ZNF655: variants seen among roughly 807,000 people sequenced by gnomAD.
ZNF655 encodes the protein zinc finger protein 655, also known as Vav-interacting Kruppel-like protein 1.
A neutral mutation model predicts 6.6 loss-of-function variants in ZNF655; 3 were observed. That is an observed-to-expected ratio of 0.46 (90% CI 0.21 to 1.18). The LOEUF is 1.18. Ranked by LOEUF, ZNF655 falls within the 50% of genes most tolerant of loss-of-function variation. ZNF655 has a pLI of 0.24. For synonymous variants in ZNF655, 178 were observed against 195.0 expected (o/e 0.91, Z 0.73); for missense variants, 526 against 572.3 (o/e 0.92, Z 0.83).
chr7:99,564,201 C>G, intron 2 of ZNF655: 1 of 1,371,028 alleles, frequency 7.3e-7, no homozygotes, highest in Non-Finnish European at 9.3e-7. Flanking sequence ...TGTTTTGAAC[C>G]CAGTTCATTC....
chr7:99,573,208 A>G lies in ZNF655; in HGVS notation c.1100A>G (p.Tyr367Cys), dbSNP rs1804210984. ...GAGTATGATGAATATGGGTTGGCCT[A>G]TATTAAACAACAAGGAATTCATTTC... is the stretch of plus-strand genomic sequence containing the variant. ...AYEYDEYGLAYIKQQGIHFRE... is the reference protein window; with the variant it reads ...AYEYDEYGLACIKQQGIHFRE... Residue 367 changes from tyrosine (Y) to cysteine (C), a missense_variant, in exon 3 of 3, where the codon TAT (tyrosine) becomes TGT (cysteine). Coordinates refer to ENST00000252713, the MANE Select transcript of ZNF655 (RefSeq NM_138494.3). 1.2e-6 allele frequency: 2 copies of G among 1,614,166 alleles called. No homozygotes were observed. The highest frequency in any genetic ancestry group is 1.7e-6 in the Non-Finnish European group (2 of 1,180,014).
intron 2 of ZNF655, among the ~76,000 whole-genome samples, chr7:99,569,429 A>G (rs1390830702): frequency 6.6e-6 from 1 of 151,466 alleles, no homozygotes; most frequent in African/African-American, 2.4e-5. Flanking sequence ...GTCATTATTT[A>G]TTTTTTTTCA....
At chr7:99,571,599 G>A (rs1378535216) in intron 2 of ZNF655, 2 of 1,099,244 alleles carry the variant, frequency 1.8e-6, no homozygotes, top group Non-Finnish European at 2.6e-6. Flanking sequence ...TCGACCTTCT[G>A]TCTCTCTTAA....
intron 2 of ZNF655, among the ~76,000 whole-genome samples, chr7:99,568,922 C>G (rs1410075305): frequency 6.6e-6 from 1 of 151,752 alleles, no homozygotes; most frequent in Non-Finnish European, 1.5e-5. Context: ...GTAGCTGGGA[C>G]TACAGGCGTG....
Position 99,572,896 on chromosome 7 carries a change from C to T in ZNF655, c.788C>T (p.Thr263Ile). ...CTTAGTCGACATAAAAGAATACACACTAGAGAAAAACCTTACAAATGTGAA... is the reference window on the plus strand; with the variant it reads ...CTTAGTCGACATAAAAGAATACACATTAGAGAAAAACCTTACAAATGTGAA... ...SSLSRHKRIH[T>I]REKPYKCEAS... is the part of the protein sequence containing the mutation. Residue 263 changes from threonine (T) to isoleucine (I), a missense_variant, in exon 3 of 3, where the codon ACT (threonine) becomes ATT (isoleucine). Thr to Ile is a moderately conservative substitution (Grantham distance 89, BLOSUM62 -1). Coordinates refer to ENST00000252713, the MANE Select transcript of ZNF655 (RefSeq NM_138494.3). 1 of 1,614,120 alleles carries T rather than the reference C, an allele frequency of 6.2e-7. No individual in the cohort carries two copies. The highest frequency in any genetic ancestry group is 8.5e-7 in the Non-Finnish European group (1 of 1,179,984).
At chr7:99,561,645 G>A (rs1374267368) in intron 2 of ZNF655, among the ~76,000 whole-genome samples, 2 of 152,214 alleles carry the variant, frequency 1.3e-5, no homozygotes, top group African/African-American at 4.8e-5. Flanking sequence ...GTCATGTGAT[G>A]AAGATAAAGT....
At chr7:99,563,128 T>A (rs939080405) in intron 2 of ZNF655, 17 of 446,682 alleles carry the variant, frequency 3.8e-5, no homozygotes, top group Non-Finnish European at 6.8e-5. Context: ...CTCAGATGTT[T>A]ACCCCATGCT....
chr7:99,566,021 ATGTG>A (rs34698828), intron 2 of ZNF655, among the ~76,000 whole-genome samples: 22 of 149,970 alleles, frequency 1.5e-4, no homozygotes, highest in South Asian at 1.3e-3. Flanking sequence ...GGACATTTAT[ATGTG>A]TGTGTGTGTG....
chr7:99,564,574 A>C (rs928810821), intron 2 of ZNF655: 4 of 985,544 alleles, frequency 4.1e-6, no homozygotes, highest in Non-Finnish European at 4.8e-6. Flanking sequence ...AGGGAGGGCA[A>C]AGAAGTTAAA....
intron 2 of ZNF655, chr7:99,564,410 A>C (rs1803469322): frequency 1.1e-5 from 11 of 1,031,980 alleles, no homozygotes; most frequent in Non-Finnish European, 1.2e-5. Context: ...CCTCATGTTT[A>C]ACATTCTGGT....
In ZNF655 at chr7:99,573,233, C is replaced by T; in HGVS notation, c.1125C>T (p.Phe375=). 1 of 1,614,094 alleles carries T rather than the reference C, an allele frequency of 6.2e-7. No individual in the cohort carries two copies. The highest frequency in any genetic ancestry group is 1.1e-5 in the South Asian group (1 of 91,076). ...ATATTAAACAACAAGGAATTCATTT[C>T]AGAGAAAAGCCCTATACGTGTAGTG... ...LAYIKQQGIH[F]REKPYTCSEC... is the part of the protein sequence containing the mutation. Residue 375 remains phenylalanine, a synonymous_variant, in exon 3 of 3, where the codon TTC becomes TTT. Transcript: ENST00000252713.
chr7:99,559,288 G>C (rs1802882479), intron 1 of ZNF655, among the ~76,000 whole-genome samples: 1 of 152,232 alleles, frequency 6.6e-6, no homozygotes, highest in South Asian at 2.1e-4. Context: ...CGAAGGGCCT[G>C]ACCCCAAAAG....
In ZNF655 at chr7:99,568,873, C is replaced by T. The variant is rs1443564946; in HGVS notation, c.137-3372C>T. Among the ~76,000 whole-genome samples the T allele has an allele frequency of 2.0e-5, 3 of 152,080 alleles. No individual in the cohort carries two copies. The East Asian group carries it at 5.8e-4, about 30-fold the overall frequency. ...GATCTTGGCTCTCTGCAGCCTCGGC[C>T]TTCTGAGCTCAAGCGATCATTCTGC... On this transcript the variant is annotated intron_variant, in intron 2 of 2. Transcript: ENST00000252713.
intron 2 of ZNF655, among the ~76,000 whole-genome samples, chr7:99,566,218 A>T (rs572072616): frequency 6.6e-6 from 1 of 152,168 alleles, no homozygotes; most frequent in African/African-American, 2.4e-5. Context: ...AAGCCCCTGC[A>T]CTTTTTCACT....
intron 2 of ZNF655, chr7:99,564,288 G>A: frequency 7.7e-7 from 1 of 1,296,538 alleles, no homozygotes; most frequent in Non-Finnish European, 9.7e-7. Flanking sequence ...TTCAGTTATG[G>A]TCTTTTCATA....
intron 2 of ZNF655, chr7:99,562,364 T>G: frequency 6.2e-7 from 1 of 1,614,068 alleles, no homozygotes. Flanking sequence ...ATGTGTTATT[T>G]CAGGAGTTTG....
intron 2 of ZNF655, among the ~76,000 whole-genome samples, chr7:99,561,192 T>C (rs1276748631): frequency 6.6e-6 from 1 of 152,252 alleles, no homozygotes; most frequent in Admixed American, 6.5e-5. Flanking sequence ...TTGAACACAA[T>C]GCCTGTATGA....
At position 99,574,497 on chromosome 7, in the gene ZNF655, C is replaced by T. The variant is rs959899526; in HGVS notation, c.*913C>T. On this transcript the variant is annotated 3_prime_UTR_variant, in exon 3 of 3. Coordinates refer to ENST00000252713, the MANE Select transcript of ZNF655 (RefSeq NM_138494.3). ...GCCTCAAGCGATCCTCCCACCTGTC[C>T]TCCCAAAGTGCTGGGGTTACAGGCG... 2 of 152,214 alleles carry T rather than the reference C, an allele frequency of 1.3e-5. No individual in the cohort carries two copies. The highest frequency in any genetic ancestry group is 4.8e-5 in the African/African-American group (2 of 41,452). The allele number at this position is 152,214 out of a possible 1,614,324, so 9.4% of individuals were successfully genotyped here.
In ZNF655 at chr7:99,573,335, A is replaced by G; in HGVS notation, c.1227A>G (p.Glu409=). 6.2e-7 allele frequency: 1 copy of G among 1,614,222 alleles called. No individual in the cohort carries two copies. The highest frequency in any genetic ancestry group is 2.2e-5 in the East Asian group (1 of 44,880). Residue 409 remains glutamate, a synonymous_variant, in exon 3 of 3, where the codon GAA becomes GAG. Transcript: ENST00000252713. The part of the protein sequence containing the change: ...QRIHTGEKAH[E]CNECGKAFSQ... ...TTCACACAGGAGAGAAAGCACATGA[A>G]TGTAATGAATGTGGAAAAGCTTTCA...
Sources: allele counts gnomAD v4.1 joint callset (sites outside exome capture counted in the v4.1 genomes callset), GRCh38; gene constraint gnomAD v4.1.1; transcripts MANE v1.5; gene names NCBI Gene and HGNC (gene_info 2026-07-23, HGNC 2026-07-21).